The following GPR39 variants were observed in gnomAD, a reference collection of about 807,000 sequenced individuals.
The protein encoded by GPR39 is zinc sensing receptor.
In GPR39, 23 loss-of-function variants were observed where a neutral mutation model predicts 18.4. That is an observed-to-expected ratio of 1.25 (90% confidence interval 0.90 to 1.77). The LOEUF (loss-of-function observed/expected upper bound fraction) is 1.77. Ranked by LOEUF, GPR39 falls within the 40% of genes most tolerant of loss-of-function variation. GPR39 has a pLI of 0.00. For missense variants in GPR39, 647 were observed against 602.4 expected (o/e 1.07, Z -0.78); for synonymous variants, 280 against 257.9 (o/e 1.09, Z -0.82).
chr2:132,570,807 G>A (rs1214153035), intron 1 of GPR39, among the ~76,000 whole-genome samples: 3 of 152,140 alleles, frequency 2.0e-5, no homozygotes, highest in African/African-American at 7.2e-5. Context: ...GCAGCCTAGA[G>A]GAATGGGTGT....
At chr2:132,460,889 G>A (rs1470656624) in intron 1 of GPR39, among the ~76,000 whole-genome samples, 1 of 152,206 alleles carries the variant, frequency 6.6e-6, no homozygotes, top group Non-Finnish European at 1.5e-5. Context: ...GGCTTTGGGT[G>A]TATGGGTCAG....
intron 1 of GPR39, among the ~76,000 whole-genome samples, chr2:132,581,336 C>CTTTT (rs34169955): frequency 1.4e-5 from 2 of 143,570 alleles, no homozygotes; most frequent in Admixed American, 6.9e-5. Flanking sequence ...ACGATAGTGA[C>CTTTT]TTTTTTTTTT....
At chr2:132,608,530 C>A (rs2104847635) in intron 1 of GPR39, among the ~76,000 whole-genome samples, 1 of 152,308 alleles carries the variant, frequency 6.6e-6, no homozygotes, top group South Asian at 2.1e-4. Context: ...TGTTTACAGT[C>A]AAAGCCCGGC....
At chr2:132,425,601 T>G (rs1400371540) in intron 1 of GPR39, among the ~76,000 whole-genome samples, 1 of 152,142 alleles carries the variant, frequency 6.6e-6, no homozygotes, top group African/African-American at 2.4e-5. Flanking sequence ...ACTAATCTAG[T>G]GCTGCAAGGA....
chr2:132,603,010 A>T (rs182128702), intron 1 of GPR39, among the ~76,000 whole-genome samples: 6 of 152,170 alleles, frequency 3.9e-5, no homozygotes, highest in Non-Finnish European at 8.8e-5. Flanking sequence ...GAACTACCGT[A>T]TGACCCAGAA....
At chr2:132,430,975 C>G (rs1324356322) in intron 1 of GPR39, among the ~76,000 whole-genome samples, 2 of 152,134 alleles carry the variant, frequency 1.3e-5, no homozygotes, top group Non-Finnish European at 2.9e-5. Context: ...TCCCAGGGAT[C>G]TGGTCATCTT....
chr2:132,533,143 G>A (rs897340493), intron 1 of GPR39, among the ~76,000 whole-genome samples: 16 of 152,026 alleles, frequency 1.1e-4, no homozygotes, highest in Admixed American at 5.2e-4. Flanking sequence ...ACAACTCAGC[G>A]AAGTCCCAGG....
chr2:132,538,790 C>T (rs1162667338), intron 1 of GPR39, among the ~76,000 whole-genome samples: 2 of 152,208 alleles, frequency 1.3e-5, no homozygotes, highest in Admixed American at 1.3e-4. Context: ...GAGAAACATT[C>T]TGGCCACAGC....
At chr2:132,492,668 A>G (rs185310201) in intron 1 of GPR39, among the ~76,000 whole-genome samples, 39 of 134,416 alleles carry the variant, frequency 2.9e-4, no homozygotes, top group Non-Finnish European at 4.9e-4. Context: ...TACACACCAT[A>G]TATATATAAT....
At chr2:132,500,758 T>C (rs1679015691) in intron 1 of GPR39, among the ~76,000 whole-genome samples, 1 of 152,122 alleles carries the variant, frequency 6.6e-6, no homozygotes. Flanking sequence ...GTCTCACTGC[T>C]TGTCATTGCT....
intron 1 of GPR39, among the ~76,000 whole-genome samples, chr2:132,480,953 C>G (rs1367749136): frequency 6.6e-6 from 1 of 152,160 alleles, no homozygotes; most frequent in Non-Finnish European, 1.5e-5. Context: ...GTGGGTCTCT[C>G]AAGAGTTCGT....
chr2:132,542,112 G>A lies in GPR39; in HGVS notation c.857-102989G>A, dbSNP rs558776593. ...CACTTCCTAATACCATTGAATTGGG[G>A]GTTAAGTTTCAATATATGAATTTTG... On this transcript the variant is annotated intron_variant, in intron 1 of 1. Coordinates refer to ENST00000329321, the MANE Select transcript of GPR39 (RefSeq NM_001508.3). Among the ~76,000 whole-genome samples, 28 of 152,142 alleles carry A rather than the reference G, an allele frequency of 1.8e-4. No homozygotes were observed. The South Asian group carries it at 5.2e-3, about 28-fold the overall frequency.
At chr2:132,595,862 T>C (rs1174468309) in intron 1 of GPR39, among the ~76,000 whole-genome samples, 1 of 152,152 alleles carries the variant, frequency 6.6e-6, no homozygotes, top group African/African-American at 2.4e-5. Context: ...AGACTTTAAT[T>C]ATAACCGTGC....
chr2:132,450,718 T>C (rs966914071), intron 1 of GPR39, among the ~76,000 whole-genome samples: 2 of 152,312 alleles, frequency 1.3e-5, no homozygotes, highest in African/African-American at 4.8e-5. Context: ...CTGAGTGGGG[T>C]TTGAACTTCT....
At chr2:132,435,363 C>T (rs747614112) in intron 1 of GPR39, among the ~76,000 whole-genome samples, 22 of 152,164 alleles carry the variant, frequency 1.4e-4, no homozygotes, top group Admixed American at 5.2e-4. Context: ...TGATGATCCA[C>T]TTTCACTTAG....
intron 1 of GPR39, among the ~76,000 whole-genome samples, chr2:132,479,503 C>A (rs1189830781): frequency 6.6e-6 from 1 of 152,128 alleles, no homozygotes; most frequent in African/African-American, 2.4e-5. Context: ...AATAAAATAG[C>A]TGGTGTGGTT....
intron 1 of GPR39, among the ~76,000 whole-genome samples, chr2:132,500,170 G>A (rs1440648448): frequency 2.0e-5 from 3 of 152,022 alleles, no homozygotes; most frequent in South Asian, 2.1e-4. Flanking sequence ...CTGTTCTTAG[G>A]GGGAATGTTT....
chr2:132,492,793 C>CATATATATACATACCATATATATACCAT (rs368240922), intron 1 of GPR39, among the ~76,000 whole-genome samples: 3 of 8,644 alleles, frequency 3.5e-4, no homozygotes, highest in South Asian at 0.067. Flanking sequence ...ATATATATAC[C>CATATATATACATACCATATATATACCAT]ATATATACCA....
intron 1 of GPR39, among the ~76,000 whole-genome samples, chr2:132,632,376 T>C (rs1376311045): frequency 1.3e-5 from 2 of 152,298 alleles, no homozygotes; most frequent in East Asian, 3.9e-4. Flanking sequence ...GAGAGGATCT[T>C]TATTTCTTGC....
Sources: allele counts gnomAD v4.1 joint callset (sites outside exome capture counted in the v4.1 genomes callset), GRCh38; gene constraint gnomAD v4.1.1; transcripts MANE v1.5; gene names NCBI Gene and HGNC (gene_info 2026-07-23, HGNC 2026-07-21).